The following DMD variants were observed in gnomAD, a reference collection of about 807,000 sequenced individuals.
DMD encodes the protein mutant dystrophin.
DMD carries 63 observed loss-of-function variants against 330.1 expected under a neutral mutation model. The ratio of observed to expected loss-of-function variants is 0.19; its 90% CI spans 0.16 to 0.24. DMD has a LOEUF of 0.24. Among genes scored for constraint, DMD ranks in the 10% least tolerant of loss-of-function variants. The pLI is 1.00. For missense variants in DMD, 3,344 were observed against 2,684.1 expected, an observed-to-expected ratio of 1.25 and a Z score of -5.43; for synonymous variants, 1,223 against 959.8, an observed-to-expected ratio of 1.27 and a Z score of -5.07.
chrX:32,242,839 G>C (rs761419552), intron 43 of DMD, among the ~76,000 whole-genome samples: 1 of 109,570 alleles, frequency 9.1e-6, no homozygotes, highest in African/African-American at 3.3e-5. Context: ...GAATTGGGAG[G>C]TCACAATTTT....
At chrX:32,636,504 A>G (rs5972632) in intron 11 of DMD, among the ~76,000 whole-genome samples, 14,440 of 111,775 alleles carry the variant, frequency 0.13, 2,320 homozygotes, top group African/African-American at 0.45. Flanking sequence ...TTCTATGAGA[A>G]AATCGAAAAT....
chrX:32,456,709 G>C (rs1226677542), intron 25 of DMD, among the ~76,000 whole-genome samples: 2 of 107,766 alleles, frequency 1.9e-5, no homozygotes, highest in East Asian at 5.9e-4. Context: ...TTTGGTGATA[G>C]ATTTGATGTT....
intron 44 of DMD, among the ~76,000 whole-genome samples, chrX:32,071,520 AG>A (rs1276500738): frequency 1.5e-4 from 4 of 26,584 alleles, no homozygotes; most frequent in Non-Finnish European, 6.6e-5. Flanking sequence ...GGGTGGGGGG[AG>A]GGGGGAGGGA....
intron 44 of DMD, among the ~76,000 whole-genome samples, chrX:32,013,306 C>T (rs952418989): frequency 9.1e-6 from 1 of 109,736 alleles, no homozygotes; most frequent in African/African-American, 3.3e-5. Flanking sequence ...AGGATGGTCT[C>T]GAACTCCTGA....
chrX:31,861,422 G>A (rs2093695380), intron 48 of DMD, among the ~76,000 whole-genome samples: 1 of 110,027 alleles, frequency 9.1e-6, no homozygotes, highest in Non-Finnish European at 1.9e-5. Flanking sequence ...TCGACGGCTA[G>A]GAATTTATCA....
chrX:31,292,774 T>C (rs1282699808), intron 62 of DMD, among the ~76,000 whole-genome samples: 1 of 112,068 alleles, frequency 8.9e-6, no homozygotes, highest in Non-Finnish European at 1.9e-5. Flanking sequence ...CAAATTGCAA[T>C]GAAAATGTAT....
chrX:31,122,957 C>T (rs1045511817), intron 78 of DMD, among the ~76,000 whole-genome samples: 1 of 111,682 alleles, frequency 9.0e-6, no homozygotes, highest in Admixed American at 9.5e-5. Context: ...TTGGTAAATC[C>T]TTCCACTATT....
intron 2 of DMD, among the ~76,000 whole-genome samples, chrX:33,010,253 T>C (rs1042961077): frequency 1.9e-5 from 2 of 107,620 alleles, no homozygotes; most frequent in Middle Eastern, 4.9e-3. Context: ...TGTGTGTATA[T>C]ATGTACAAAT....
intron 51 of DMD, among the ~76,000 whole-genome samples, chrX:31,754,157 A>AT (rs1393651182): frequency 2.7e-5 from 3 of 111,804 alleles, no homozygotes; most frequent in African/African-American, 9.7e-5. Context: ...ATTAATGTTT[A>AT]TTTTTATAAA....
At chrX:32,473,416 CTAA>C (rs1440045974) in intron 21 of DMD, among the ~76,000 whole-genome samples, 1 of 111,307 alleles carries the variant, frequency 9.0e-6, no homozygotes, top group African/African-American at 3.3e-5. Flanking sequence ...CAGATAATGG[CTAA>C]TAATGTTTCT....
chrX:32,081,483 T>C (rs763900017), intron 44 of DMD, among the ~76,000 whole-genome samples: 2 of 112,298 alleles, frequency 1.8e-5, no homozygotes, highest in African/African-American at 3.2e-5. Context: ...TTCTGTCCAA[T>C]CCTGCTTCTA....
intron 2 of DMD, among the ~76,000 whole-genome samples, chrX:32,944,732 G>A (rs2090674319): frequency 9.2e-6 from 1 of 109,163 alleles, no homozygotes; most frequent in Non-Finnish European, 1.9e-5. Context: ...AGCCTCCCGA[G>A]TAGCTGGGAT....
intron 47 of DMD, among the ~76,000 whole-genome samples, chrX:31,877,507 C>T (rs935355947): frequency 8.9e-6 from 1 of 112,132 alleles, no homozygotes; most frequent in Non-Finnish European, 1.9e-5. Context: ...GCCTCTCATT[C>T]CTGGCAGCCT....
chrX:32,785,114 T>A (rs2075236914), intron 7 of DMD, among the ~76,000 whole-genome samples: 1 of 110,184 alleles, frequency 9.1e-6, no homozygotes, highest in African/African-American at 3.3e-5. Context: ...GAATTTCTAC[T>A]TTATTAATGA....
Position 32,287,642 on chromosome X carries a change from C to T in DMD, c.6177G>A (p.Lys2059=). The T allele has an allele frequency of 8.3e-7, 1 of 1,210,220 alleles. No homozygotes were observed. The highest frequency in any genetic ancestry group is 1.1e-6 in the Non-Finnish European group (1 of 894,429). ...SGRIDIIHSK[K]TAALQSATPV... is the part of the protein sequence containing the mutation. Reference sequence around the variant, plus strand: ...GCGTTGCACTTTGCAATGCTGCTGTCTTCTTGCTATGAATAATGTCAATCC... The same window carrying T: ...GCGTTGCACTTTGCAATGCTGCTGTTTTCTTGCTATGAATAATGTCAATCC... Residue 2059 remains lysine (K), a synonymous_variant, in exon 43 of 79, where the codon AAG becomes AAA. Coordinates refer to ENST00000357033, the MANE Select transcript of DMD (RefSeq NM_004006.3).
At chrX:33,196,194 C>T (rs779262993) in intron 1 of DMD, among the ~76,000 whole-genome samples, 22 of 111,158 alleles carry the variant, frequency 2.0e-4, no homozygotes, top group Non-Finnish European at 3.8e-4. Flanking sequence ...GAGAACATTC[C>T]AAGAAGTGGG....
At chrX:32,434,871 A>G (rs908975891) in intron 29 of DMD, among the ~76,000 whole-genome samples, 2 of 111,670 alleles carry the variant, frequency 1.8e-5, no homozygotes, top group South Asian at 7.5e-4. Context: ...GAAGGATATT[A>G]TGTTTAACAT....
At chrX:32,990,725 C>T (rs1174678333) in intron 2 of DMD, among the ~76,000 whole-genome samples, 2 of 111,508 alleles carry the variant, frequency 1.8e-5, no homozygotes, top group African/African-American at 6.5e-5. Flanking sequence ...CCCCTCTCAC[C>T]TGGAGAGTTT....
At chrX:32,981,758 T>C (rs1189084031) in intron 2 of DMD, among the ~76,000 whole-genome samples, 1 of 111,392 alleles carries the variant, frequency 9.0e-6, no homozygotes, top group Non-Finnish European at 1.9e-5. Context: ...CTCTAAAACA[T>C]GTCAGTTGAA....
Sources: gnomAD v4.1 joint callset for allele counts (sites outside exome capture counted in the v4.1 genomes callset) on GRCh38, gnomAD v4.1.1 for gene constraint, MANE v1.5 for transcripts, NCBI Gene and HGNC (gene_info 2026-07-23, HGNC 2026-07-21) for gene names.